The following ZNF541 variants were observed in gnomAD, a reference collection of about 807,000 sequenced individuals.
The protein encoded by ZNF541 is zinc finger protein 541.
Under a neutral mutation model 123.5 loss-of-function variants are expected in ZNF541, and 23 were observed. The observed-to-expected ratio is 0.19, with a 90% CI of 0.13 to 0.26. ZNF541 has a LOEUF of 0.26. Among genes scored for constraint, ZNF541 ranks in the 10% least tolerant of loss-of-function variants. ZNF541 has a pLI of 1.00. For synonymous variants in ZNF541, 751 were observed against 754.5 expected, an observed-to-expected ratio of 1.00 and a Z score of 0.08; for missense variants, 1,612 against 1,789.9, an observed-to-expected ratio of 0.90 and a Z score of 1.79.
chr19:47,540,020 G>C, intron 7 of ZNF541, 142 bp from the exon 8 acceptor site: 1 of 1,409,596 alleles, frequency 7.1e-7, no homozygotes, highest in Non-Finnish European at 9.4e-7. Context: ...TGCAGCCCAT[G>C]GCAATGGCCT....
intron 9 of ZNF541, among the ~76,000 whole-genome samples, chr19:47,535,851 C>T (rs1015375042): frequency 5.9e-5 from 9 of 152,006 alleles, no homozygotes; most frequent in Admixed American, 2.0e-4. Flanking sequence ...AACCCAGCGG[C>T]GCTAGAGGAA....
At chr19:47,546,070 T>C in intron 4 of ZNF541, 90 bp from the exon 5 acceptor site, 1 of 1,157,956 alleles carries the variant, frequency 8.6e-7, no homozygotes, top group Non-Finnish European at 1.2e-6. Context: ...AAGTCTGTGG[T>C]ACAGTTGCAC....
At chr19:47,539,604 G>C in intron 8 of ZNF541, 101 bp downstream of exon 8, 1 of 1,270,640 alleles carries the variant, frequency 7.9e-7, no homozygotes, top group Admixed American at 4.1e-5. Context: ...ATCCAGCCTG[G>C]AGTCAAAGAT....
chr19:47,544,021 T>C (rs2081893), intron 5 of ZNF541, 105 bp downstream of exon 5: 158,397 of 1,336,764 alleles, frequency 0.12, 10,424 homozygotes, highest in East Asian at 0.24. Flanking sequence ...CTCTGTAAAA[T>C]TGCATCTGGG....
chr19:47,549,064 C>CAAA (rs78494981), intron 4 of ZNF541, among the ~76,000 whole-genome samples, 181 bp downstream of exon 4: 3 of 114,566 alleles, frequency 2.6e-5, no homozygotes, highest in Admixed American at 8.7e-5. Flanking sequence ...GGATGACAGA[C>CAAA]AAAAAAAAAA....
chr19:47,563,271 A>G (rs1971137359), intron 2 of ZNF541, among the ~76,000 whole-genome samples: 1 of 152,174 alleles, frequency 6.6e-6, no homozygotes, highest in African/African-American at 2.4e-5. Context: ...TATTTTAAGT[A>G]ACTTCCAGTG....
intron 8 of ZNF541, among the ~76,000 whole-genome samples, chr19:47,539,126 A>G (rs1039651801): frequency 3.9e-5 from 6 of 151,902 alleles, no homozygotes; most frequent in Non-Finnish European, 7.4e-5. Flanking sequence ...CTGTCTGGGG[A>G]CAGGCCTGTC....
At position 47,555,632 on chromosome 19, in the gene ZNF541, C is replaced by A; in HGVS notation, c.225G>T (p.Leu75Phe). 1 of 1,551,678 alleles carries A rather than the reference C, an allele frequency of 6.4e-7. No individual in the cohort carries two copies. The highest frequency in any genetic ancestry group is 8.7e-7 in the Non-Finnish European group (1 of 1,147,000). ...CACTGTCCTTCCCGGAGTACAGGGA[C>A]AAGGTGTCTAAGTTGTCCTCCAGCA... ...SEVLEDNLDT[L>F]SLYSGKDSDS... The change falls in exon 3 of 17, where the codon TTG becomes TTT. Residue 75 changes from leucine to phenylalanine, a missense_variant. Leu to Phe is a conservative substitution (Grantham distance 22). This residue lies in a region of ZNF541 where 212 missense variants were observed against 289.6 expected (regional missense o/e 0.73). Transcript: ENST00000391901.
In ZNF541 at chr19:47,524,433, C is replaced by T. The variant is rs937339639; in HGVS notation, c.3571-2439G>A. ...TCAAAGAGTTATGCCAGAGGCCAGG[C>T]GCGGTGGCTCACTTGAAATCCCAGC... On this transcript the variant is annotated intron_variant, in intron 14 of 16. Transcript: ENST00000391901. Among the ~76,000 whole-genome samples the T allele has an allele frequency of 4.6e-5, 7 of 152,206 alleles. No homozygotes were observed. The South Asian group carries it at 1.0e-3, about 23-fold the overall frequency.
rs570847267 is a variant in ZNF541, at chr19:47,520,759, C to T, written c.*465G>A. The T allele has an allele frequency of 1.1e-4, 17 of 158,118 alleles. No homozygotes were observed. The East Asian group carries it at 1.8e-3, about 17-fold the overall frequency. The allele number at this position is 158,118 out of a possible 1,614,324, so 9.8% of individuals were successfully genotyped here. A position where few individuals can be genotyped will look rare whatever the true frequency, so the allele number is the denominator to read the frequency against. ...AAACACCGAACAATGCAGAATTCAT[C>T]GCAAGACTAGGGACTGAATCTGGAA... On this transcript the variant is annotated 3_prime_UTR_variant, in exon 17 of 17. Transcript: ENST00000391901.
intron 14 of ZNF541, among the ~76,000 whole-genome samples, chr19:47,527,878 T>TA (rs1969370896): frequency 6.6e-6 from 1 of 151,360 alleles, no homozygotes; most frequent in Non-Finnish European, 1.5e-5. Context: ...TTTGTATTTT[T>TA]AGTAGAGACA....
chr19:47,531,217 A>G (rs1307813962), intron 12 of ZNF541, among the ~76,000 whole-genome samples: 1 of 116,004 alleles, frequency 8.6e-6, no homozygotes, highest in Non-Finnish European at 1.7e-5. Context: ...ACTTTCTAAC[A>G]CCCAGAATTG....
At chr19:47,525,695 C>CCT (rs2122877138) in intron 14 of ZNF541, among the ~76,000 whole-genome samples, 1 of 151,916 alleles carries the variant, frequency 6.6e-6, no homozygotes, top group East Asian at 1.9e-4. Context: ...GGGCAGATCA[C>CCT]GAGGTCAGGA....
chr19:47,551,110 G>A (rs1471503496), intron 3 of ZNF541, among the ~76,000 whole-genome samples: 1 of 151,056 alleles, frequency 6.6e-6, no homozygotes, highest in Non-Finnish European at 1.5e-5. Flanking sequence ...GAGGGCAGTG[G>A]CGCAATCTCG....
chr19:47,564,945 T>C (rs1177168535), intron 2 of ZNF541, among the ~76,000 whole-genome samples: 1 of 151,958 alleles, frequency 6.6e-6, no homozygotes, highest in Non-Finnish European at 1.5e-5. Flanking sequence ...GATAAAGAAA[T>C]ATATATATGA....
At chr19:47,525,141 C>T (rs1331792801) in intron 14 of ZNF541, among the ~76,000 whole-genome samples, 2 of 151,924 alleles carry the variant, frequency 1.3e-5, no homozygotes, top group Non-Finnish European at 2.9e-5. Flanking sequence ...AAAAATTAGC[C>T]AGGTGTGGTT....
intron 2 of ZNF541, among the ~76,000 whole-genome samples, chr19:47,562,020 G>A (rs557603125): frequency 7.9e-5 from 12 of 152,310 alleles, no homozygotes; most frequent in East Asian, 7.7e-4. Context: ...AGGCCGAGGC[G>A]GGTGGATCAC....
In ZNF541 at chr19:47,573,095, G is replaced by T. The variant is rs1041242290; in HGVS notation, c.-258C>A. 6.7e-6 allele frequency among the ~76,000 whole-genome samples: 1 copy of T among 150,300 alleles called. No homozygotes were observed. The highest frequency in any genetic ancestry group is 1.5e-5 in the Non-Finnish European group (1 of 67,406). Reference sequence around the variant, plus strand: ...AACCGGGTTTTACCCGCCCCCGGGGGCTCGCGCGCCGGGCCTCGCGCCTGG... The same window carrying T: ...AACCGGGTTTTACCCGCCCCCGGGGTCTCGCGCGCCGGGCCTCGCGCCTGG... On this transcript the variant is annotated 5_prime_UTR_variant, in exon 1 of 17. Coordinates refer to ENST00000391901, the MANE Select transcript of ZNF541 (RefSeq NM_001277075.3).
Position 47,532,893 on chromosome 19 carries a change from A to G in ZNF541, c.3158+16T>C. On this transcript the variant is annotated intron_variant, in intron 10 of 16. Transcript: ENST00000391901. ...GGTGGGGTAAAAGCAGCTTCACTGG[A>G]AAGGACCCAACTTACGGCTCAATGC... The G allele has an allele frequency of 1.3e-6, 2 of 1,549,034 alleles. No individual in the cohort carries two copies. Among genetic ancestry groups the G allele is most frequent in the South Asian group, 1.2e-5 (1 of 83,746 alleles).
Sources: gnomAD v4.1 joint callset for allele counts (sites outside exome capture counted in the v4.1 genomes callset) on GRCh38, gnomAD v4.1.1 for gene constraint, gnomAD v4.1.1 regional missense constraint, MANE v1.5 for transcripts, NCBI Gene and HGNC (gene_info 2026-07-23, HGNC 2026-07-21) for gene names.